The following CNTNAP2 variants were observed in gnomAD, a reference collection of about 807,000 sequenced individuals.
CNTNAP2 encodes contactin associated protein 2.
CNTNAP2 carries 98 observed loss-of-function variants against 155.2 expected under a neutral mutation model. The ratio of observed to expected loss-of-function variants is 0.63; its 90% CI spans 0.54 to 0.75. The LOEUF is 0.75. Ranked by LOEUF, CNTNAP2 falls within the 30% of genes least tolerant of loss-of-function variation. The pLI, the probability that CNTNAP2 is intolerant of heterozygous loss-of-function variation, is 0.00. For synonymous variants in CNTNAP2, 651 were observed against 631.2 expected, an observed-to-expected ratio of 1.03 and a Z score of -0.47; for missense variants, 1,727 against 1,688.1, an observed-to-expected ratio of 1.02 and a Z score of -0.40.
At chr7:147,205,607 T>C (rs1584792149) in intron 8 of CNTNAP2, among the ~76,000 whole-genome samples, 1 of 151,778 alleles carries the variant, frequency 6.6e-6, no homozygotes, top group African/African-American at 2.4e-5. Flanking sequence ...GTGAACATTA[T>C]GTTAAGTAAA....
intron 1 of CNTNAP2, among the ~76,000 whole-genome samples, chr7:146,731,569 A>G (rs563647527): frequency 6.6e-6 from 1 of 152,222 alleles, no homozygotes; most frequent in South Asian, 2.1e-4. Flanking sequence ...CATAAATCTA[A>G]AAAATGATCT....
At chr7:146,737,301 A>G (rs1165577830) in intron 1 of CNTNAP2, among the ~76,000 whole-genome samples, 2 of 152,002 alleles carry the variant, frequency 1.3e-5, no homozygotes, top group South Asian at 2.1e-4. Context: ...CTTCACTTCA[A>G]CTCAGTATTT....
At chr7:147,523,614 G>C (rs764217985) in intron 11 of CNTNAP2, among the ~76,000 whole-genome samples, 1 of 152,162 alleles carries the variant, frequency 6.6e-6, no homozygotes, top group African/African-American at 2.4e-5. Flanking sequence ...CCACACAGCT[G>C]AGCCTCCTCC....
intron 9 of CNTNAP2, among the ~76,000 whole-genome samples, chr7:147,394,807 T>TTGTGTGTGTGTGTG (rs61695156): frequency 8.2e-4 from 114 of 139,342 alleles, no homozygotes; most frequent in Middle Eastern, 7.4e-3. Flanking sequence ...ATCAACAGTA[T>TTGTGTGTGTGTGTG]TGTGTGTGTG....
chr7:148,339,297 C>G (rs963848111), intron 21 of CNTNAP2, among the ~76,000 whole-genome samples: 1 of 151,854 alleles, frequency 6.6e-6, no homozygotes, highest in Non-Finnish European at 1.5e-5. Flanking sequence ...GTGTGTATTG[C>G]CCACGGGTGG....
intron 11 of CNTNAP2, among the ~76,000 whole-genome samples, chr7:147,539,864 C>T (rs895770072): frequency 6.6e-6 from 1 of 152,166 alleles, no homozygotes; most frequent in Admixed American, 6.5e-5. Context: ...CTGAGAGGAT[C>T]GTATTTCAAG....
At chr7:146,149,854 A>G (rs1798010844) in intron 1 of CNTNAP2, among the ~76,000 whole-genome samples, 1 of 151,404 alleles carries the variant, frequency 6.6e-6, no homozygotes. Flanking sequence ...TTTCATAGAA[A>G]CACACAAACA....
At chr7:147,148,866 CAGG>C (rs1477628161) in intron 8 of CNTNAP2, among the ~76,000 whole-genome samples, 5 of 152,170 alleles carry the variant, frequency 3.3e-5, no homozygotes, top group African/African-American at 1.2e-4. Flanking sequence ...TTTGTTCCTC[CAGG>C]TGGGTTCATG....
At chr7:147,729,804 T>C (rs1796709263) in intron 13 of CNTNAP2, among the ~76,000 whole-genome samples, 1 of 151,930 alleles carries the variant, frequency 6.6e-6, no homozygotes, top group African/African-American at 2.4e-5. Flanking sequence ...CAGATTTAGG[T>C]GTTGAAGGGA....
intron 13 of CNTNAP2, among the ~76,000 whole-genome samples, chr7:147,773,631 A>G (rs1429231397): frequency 6.6e-6 from 1 of 152,178 alleles, no homozygotes; most frequent in African/African-American, 2.4e-5. Context: ...GAAACTTCCA[A>G]TCCCACATAA....
rs148924884 is a variant in CNTNAP2, at chr7:146,955,261, T to G, written c.403-88646T>G. Among the ~76,000 whole-genome samples the G allele has an allele frequency of 5.4e-3, 822 of 152,138 alleles. 8 individuals are homozygous for G. Among genetic ancestry groups the G allele is most frequent in the African/African-American group, 0.019 (776 of 41,552 alleles). On this transcript the variant is annotated intron_variant, in intron 3 of 23. Coordinates refer to ENST00000361727, the MANE Select transcript of CNTNAP2 (RefSeq NM_014141.6). Reference sequence around the variant, plus strand: ...CATTTGCTGTTAGTAGCTGATAACATTCATCTTCTTTTGCTAAATATTTCT... The same window carrying G: ...CATTTGCTGTTAGTAGCTGATAACAGTCATCTTCTTTTGCTAAATATTTCT...
intron 15 of CNTNAP2, among the ~76,000 whole-genome samples, chr7:148,099,212 TGA>T (rs1442596775): frequency 1.3e-5 from 2 of 152,146 alleles, no homozygotes. Flanking sequence ...AGCACTTGAG[TGA>T]GAATTAATTG....
At chr7:146,808,469 T>G (rs562214327) in intron 2 of CNTNAP2, among the ~76,000 whole-genome samples, 2 of 152,332 alleles carry the variant, frequency 1.3e-5, no homozygotes, top group African/African-American at 4.8e-5. Context: ...GTGCTGATTT[T>G]GCTCACTTCT....
At chr7:147,360,535 C>G (rs1476424458) in intron 9 of CNTNAP2, among the ~76,000 whole-genome samples, 1 of 152,022 alleles carries the variant, frequency 6.6e-6, no homozygotes, top group African/African-American at 2.4e-5. Flanking sequence ...TTGATTAACT[C>G]TTACTACTTT....
intron 12 of CNTNAP2, among the ~76,000 whole-genome samples, chr7:147,592,304 A>G (rs1422106651): frequency 6.6e-6 from 1 of 152,206 alleles, no homozygotes; most frequent in Non-Finnish European, 1.5e-5. Context: ...AATGGTAATC[A>G]ATATAGTTTA....
At chr7:148,217,147 T>A in intron 18 of CNTNAP2, 141 bp from the exon 19 acceptor site, 1 of 738,498 alleles carries the variant, frequency 1.4e-6, no homozygotes, top group Non-Finnish European at 2.4e-6. Flanking sequence ...GTTGATGCAA[T>A]AGCATCTTTC....
chr7:148,238,867 C>A (rs1050845201), intron 20 of CNTNAP2, among the ~76,000 whole-genome samples: 1 of 152,184 alleles, frequency 6.6e-6, no homozygotes, highest in African/African-American at 2.4e-5. Context: ...TACCCTTGAA[C>A]TTTCTGCCAA....
chr7:146,579,111 T>C (rs958143897), intron 1 of CNTNAP2, among the ~76,000 whole-genome samples: 9 of 152,178 alleles, frequency 5.9e-5, no homozygotes, highest in Non-Finnish European at 1.3e-4. Flanking sequence ...TCTCCCTAGA[T>C]GATTTCATTA....
At chr7:146,155,896 G>A (rs1195102556) in intron 1 of CNTNAP2, among the ~76,000 whole-genome samples, 7 of 151,640 alleles carry the variant, frequency 4.6e-5, no homozygotes, top group Admixed American at 1.3e-4. Flanking sequence ...TTAAGATGGG[G>A]TTTCACCATG....
Sources: allele counts gnomAD v4.1 joint callset (sites outside exome capture counted in the v4.1 genomes callset), GRCh38; gene constraint gnomAD v4.1.1; transcripts MANE v1.5; gene names NCBI Gene and HGNC (gene_info 2026-07-23, HGNC 2026-07-21).